ARHGEF3: variants seen among roughly 807,000 people sequenced by gnomAD.
The protein encoded by ARHGEF3 is Rho guanine nucleotide exchange factor 3.
Under a neutral mutation model 63.2 loss-of-function variants are expected in ARHGEF3, and 28 were observed. The ratio of observed to expected loss-of-function variants is 0.44; its 90% CI spans 0.33 to 0.61. The LOEUF (loss-of-function observed/expected upper bound fraction) is 0.61. Among genes scored for constraint, ARHGEF3 ranks in the 20% least tolerant of loss-of-function variants. The pLI is 0.03. For synonymous variants in ARHGEF3, 266 were observed against 254.2 expected, an observed-to-expected ratio of 1.05 and a Z score of -0.44; for missense variants, 533 against 659.3, an observed-to-expected ratio of 0.81 and a Z score of 2.10.
chr3:56,814,881 C>A (rs1273068622), intron 4 of ARHGEF3, among the ~76,000 whole-genome samples: 1 of 152,168 alleles, frequency 6.6e-6, no homozygotes, highest in Non-Finnish European at 1.5e-5. Context: ...ATAATCCCAA[C>A]ACTTTGGGAG....
chr3:56,806,627 G>A (rs542414053), upstream of ARHGEF3, among the ~76,000 whole-genome samples: 5 of 152,342 alleles, frequency 3.3e-5, no homozygotes, highest in African/African-American at 1.2e-4. Context: ...TTGAGCGGGG[G>A]TCATTTGGGC....
intron 3 of ARHGEF3, among the ~76,000 whole-genome samples, chr3:56,914,565 C>A (rs2041936137): frequency 6.6e-6 from 1 of 152,106 alleles, no homozygotes; most frequent in African/African-American, 2.4e-5. Flanking sequence ...TATAATCATG[C>A]AATAGTGTCG....
At chr3:56,948,549 G>A (rs1437192624) in intron 3 of ARHGEF3, among the ~76,000 whole-genome samples, 1 of 152,108 alleles carries the variant, frequency 6.6e-6, no homozygotes, top group Non-Finnish European at 1.5e-5. Flanking sequence ...TAAATTCCTC[G>A]ACACATATTC....
chr3:56,993,030 T>G (rs904332533), intron 2 of ARHGEF3, among the ~76,000 whole-genome samples: 2 of 152,120 alleles, frequency 1.3e-5, no homozygotes, highest in African/African-American at 4.8e-5. Flanking sequence ...GATGAGAGTT[T>G]CACCATATTG....
intron 7 of ARHGEF3, among the ~76,000 whole-genome samples, chr3:56,742,869 A>T (rs900985579): frequency 2.6e-5 from 4 of 152,232 alleles, no homozygotes. Flanking sequence ...AATTACACAC[A>T]ATCATATTCT....
At chr3:56,844,120 A>G (rs771605438) in intron 4 of ARHGEF3, among the ~76,000 whole-genome samples, 1 of 152,266 alleles carries the variant, frequency 6.6e-6, no homozygotes, top group Non-Finnish European at 1.5e-5. Flanking sequence ...AATTATTTAA[A>G]GCTGCGTGGC....
rs1560122743 is a variant in ARHGEF3 at position 57,002,479 on chromosome 3, T to TTATATATATATATATGTTATATATATATA, written c.62+32608_62+32609insTATATATATATAACATATATATATATATA. ...TCTAAGCACTATATATATATATATG[T>TTATATATATATATATGTTATATATATATA]TATATATATATATATATGTTATATA... On this transcript the variant is annotated intron_variant, in intron 2 of 12. Coordinates refer to the ARHGEF3 transcript ENST00000338458. 2.0e-4 allele frequency among the ~76,000 whole-genome samples: 8 copies of TTATATATATATATATGTTATATATATATA among 39,472 alleles called. 1 individual carries two copies. The highest frequency in any genetic ancestry group is 2.5e-4 in the Non-Finnish European group (6 of 24,302). The allele number at this position is 39,472 out of a possible 152,430, so 25.9% of individuals were successfully genotyped here. A position where few individuals can be genotyped will look rare whatever the true frequency, so the allele number is the denominator to read the frequency against.
At chr3:57,003,062 G>A (rs902979405) in intron 2 of ARHGEF3, among the ~76,000 whole-genome samples, 2 of 151,602 alleles carry the variant, frequency 1.3e-5, no homozygotes, top group African/African-American at 4.8e-5. Context: ...GAGCCACTGT[G>A]CCCAGGAAGT....
At chr3:56,766,858 A>G (rs1408471264) in intron 2 of ARHGEF3, among the ~76,000 whole-genome samples, 1 of 152,258 alleles carries the variant, frequency 6.6e-6, no homozygotes, top group African/African-American at 2.4e-5. Flanking sequence ...TAGGAGTATA[A>G]TCAAAGGAAA....
intron 3 of ARHGEF3, among the ~76,000 whole-genome samples, chr3:56,951,193 G>T (rs1368144888): frequency 6.6e-6 from 1 of 151,630 alleles, no homozygotes; most frequent in East Asian, 1.9e-4. Context: ...ACAAGTTAAT[G>T]GGTGCAGCAC....
At chr3:57,015,210 C>T (rs1446813294) in intron 2 of ARHGEF3, among the ~76,000 whole-genome samples, 2 of 152,182 alleles carry the variant, frequency 1.3e-5, no homozygotes, top group Non-Finnish European at 1.5e-5. Flanking sequence ...AAGTAGCCAC[C>T]TGCAGACACA....
At chr3:56,787,568 G>C (rs1292271729) in intron 1 of ARHGEF3, among the ~76,000 whole-genome samples, 1 of 152,090 alleles carries the variant, frequency 6.6e-6, no homozygotes, top group East Asian at 1.9e-4. Context: ...TCATAGAGGA[G>C]GAAGCAGGTG....
intron 3 of ARHGEF3, among the ~76,000 whole-genome samples, chr3:56,885,101 A>G (rs1405833501): frequency 6.6e-6 from 1 of 152,200 alleles, no homozygotes; most frequent in African/African-American, 2.4e-5. Context: ...ATAGCAAGCC[A>G]GAGAATGCTG....
chr3:56,765,341 G>A (rs1435926701), intron 2 of ARHGEF3, among the ~76,000 whole-genome samples: 3 of 152,166 alleles, frequency 2.0e-5, no homozygotes, highest in Non-Finnish European at 2.9e-5. Context: ...CAACCAGAAA[G>A]AGAAACTAAG....
At chr3:57,039,630 T>C (rs534869126) in intron 1 of ARHGEF3, among the ~76,000 whole-genome samples, 2 of 152,318 alleles carry the variant, frequency 1.3e-5, no homozygotes, top group Admixed American at 6.5e-5. Context: ...TCCTGGACGT[T>C]CTAGAGGAGA....
At chr3:57,065,089 G>A (rs1205149290) in intron 1 of ARHGEF3, among the ~76,000 whole-genome samples, 1 of 152,246 alleles carries the variant, frequency 6.6e-6, no homozygotes, top group Non-Finnish European at 1.5e-5. Flanking sequence ...CTGTTTTTAA[G>A]TTGGGAGAAA....
At chr3:57,014,580 TTTC>T (rs1298153483) in intron 2 of ARHGEF3, among the ~76,000 whole-genome samples, 15 of 152,394 alleles carry the variant, frequency 9.8e-5, no homozygotes, top group African/African-American at 3.4e-4. Flanking sequence ...GAAAACTATA[TTTC>T]TTTATAGTTT....
chr3:56,967,459 T>TAA (rs1700586874), intron 2 of ARHGEF3, among the ~76,000 whole-genome samples: 1 of 60,430 alleles, frequency 1.7e-5, no homozygotes, highest in Admixed American at 3.5e-4. Context: ...TTATACATAT[T>TAA]ATATATTATA....
chr3:56,888,907 A>AAAAAAC (rs140687109), intron 3 of ARHGEF3, among the ~76,000 whole-genome samples: 26,861 of 151,274 alleles, frequency 0.18, 2,590 homozygotes, highest in Non-Finnish European at 0.23. Flanking sequence ...CCATCTCAAA[A>AAAAAAC]AAAAACAAAA....
Sources: allele counts gnomAD v4.1 joint callset (sites outside exome capture counted in the v4.1 genomes callset), GRCh38; gene constraint gnomAD v4.1.1; transcripts MANE v1.5; gene names NCBI Gene and HGNC (gene_info 2026-07-23, HGNC 2026-07-21).